The following NEMP2 variants were observed in gnomAD, a reference collection of about 807,000 sequenced individuals.
NEMP2 encodes the protein nuclear envelope integral membrane protein 2.
Under a neutral mutation model 54.2 loss-of-function variants are expected in NEMP2, and 53 were observed. The observed-to-expected ratio is 0.98, with a 90% confidence interval of 0.78 to 1.23. NEMP2 has a LOEUF of 1.23. NEMP2 is among the 50% of genes most tolerant of loss of function. The pLI is 0.00. For missense variants in NEMP2, 455 were observed against 511.3 expected, an observed-to-expected ratio of 0.89 and a Z score of 1.06; for synonymous variants, 197 against 190.3, an observed-to-expected ratio of 1.04 and a Z score of -0.29.
the NEMP2 span, among the ~76,000 whole-genome samples, chr2:190,592,949 T>A: frequency 6.6e-6 from 1 of 152,224 alleles, no homozygotes; most frequent in African/African-American, 2.4e-5. The surrounding 1 kb of genome is among the most constrained non-coding windows in gnomAD (Gnocchi z 4.4). Flanking sequence ...AGTTTCTTTT[T>A]CACAAACTTA....
At chr2:190,598,121 C>A in the NEMP2 span, among the ~76,000 whole-genome samples, 2 of 152,102 alleles carry the variant, frequency 1.3e-5, no homozygotes, top group Non-Finnish European at 2.9e-5. Context: ...AGCACCTTCC[C>A]TCTCTCCCTA....
the NEMP2 span, chr2:190,463,972 C>T: frequency 1.2e-6 from 1 of 815,968 alleles, no homozygotes; most frequent in Non-Finnish European, 1.5e-6. This position sits in a 1 kb window ranked among gnomAD's most constrained non-coding sequence, Gnocchi z 4.4. Context: ...CTGGTGTCAA[C>T]AACCAGCTCT....
the NEMP2 span, among the ~76,000 whole-genome samples, chr2:190,430,899 C>A: frequency 2.0e-5 from 3 of 151,772 alleles, no homozygotes; most frequent in African/African-American, 2.4e-5. Context: ...ACGCTCCTCA[C>A]TTCCCAGATG....
chr2:190,443,230 G>A, the NEMP2 span, among the ~76,000 whole-genome samples: 2 of 152,116 alleles, frequency 1.3e-5, no homozygotes, highest in Admixed American at 1.3e-4. The surrounding 1 kb of genome is among the most constrained non-coding windows in gnomAD (Gnocchi z 4.2). Context: ...ATTGTATGGT[G>A]GTTACGAGCA....
At chr2:190,536,011 A>G (rs1274660374), upstream of NEMP2, 1 of 152,192 alleles carries the variant, frequency 6.6e-6, no homozygotes, top group Admixed American at 6.5e-5. Context: ...TGATGAATGT[A>G]TTTTCTACAG....
chr2:190,556,609 C>T, the NEMP2 span, among the ~76,000 whole-genome samples: 1 of 152,180 alleles, frequency 6.6e-6, no homozygotes, highest in East Asian at 1.9e-4. Flanking sequence ...TCTCCTTAGG[C>T]TGATAAGCAA....
At chr2:190,566,740 AAAG>A in the NEMP2 span, among the ~76,000 whole-genome samples, 14 of 139,164 alleles carry the variant, frequency 1.0e-4, no homozygotes, top group Non-Finnish European at 3.3e-5. Flanking sequence ...GAAAGAAAGA[AAAG>A]AAAAAAAAAG....
chr2:190,545,859 T>C, the NEMP2 span, among the ~76,000 whole-genome samples: 1 of 152,204 alleles, frequency 6.6e-6, no homozygotes, highest in Non-Finnish European at 1.5e-5. Context: ...CTCTTTGTAC[T>C]CCGTATCTGG....
At chr2:190,619,030 A>G in the NEMP2 span, among the ~76,000 whole-genome samples, 2 of 152,228 alleles carry the variant, frequency 1.3e-5, no homozygotes, top group Non-Finnish European at 2.9e-5. The surrounding 1 kb of genome is among the most constrained non-coding windows in gnomAD (Gnocchi z 5.5). Flanking sequence ...TCTCTCTTCT[A>G]TCAGAGAGAG....
At chr2:190,630,889 ACAGTGGCT>A in the NEMP2 span, among the ~76,000 whole-genome samples, 1,454 of 152,234 alleles carry the variant, frequency 9.6e-3, 14 homozygotes, top group Middle Eastern at 0.024. The surrounding 1 kb of genome is among the most constrained non-coding windows in gnomAD (Gnocchi z 5.5). Context: ...TTGGCCAGGT[ACAGTGGCT>A]CATGTCTGTA....
the NEMP2 span, among the ~76,000 whole-genome samples, chr2:190,443,516 T>C: frequency 2.0e-5 from 3 of 152,204 alleles, no homozygotes; most frequent in African/African-American, 7.2e-5. The surrounding 1 kb of genome is among the most constrained non-coding windows in gnomAD (Gnocchi z 4.2). Context: ...TTGATAAAAA[T>C]ACAAGTTGAC....
the NEMP2 span, among the ~76,000 whole-genome samples, chr2:190,431,265 C>T: frequency 1.3e-5 from 2 of 151,922 alleles, no homozygotes; most frequent in South Asian, 2.1e-4. This position sits in a 1 kb window ranked among gnomAD's most constrained non-coding sequence, Gnocchi z 4.4. Context: ...AGAGGATGGG[C>T]GGCCAGGCAG....
At chr2:190,436,896 G>C in the NEMP2 span, 3 of 1,614,182 alleles carry the variant, frequency 1.9e-6, no homozygotes, top group Non-Finnish European at 2.5e-6. This position sits in a 1 kb window ranked among gnomAD's most constrained non-coding sequence, Gnocchi z 5.3. Context: ...CTATATTCTT[G>C]GTGATCTTGG....
At chr2:190,474,859 T>G in the NEMP2 span, among the ~76,000 whole-genome samples, 2 of 152,136 alleles carry the variant, frequency 1.3e-5, no homozygotes, top group East Asian at 3.9e-4. Context: ...ATCAAAAAGC[T>G]TATCCACCAT....
At chr2:190,633,029 G>T in the NEMP2 span, among the ~76,000 whole-genome samples, 1 of 152,072 alleles carries the variant, frequency 6.6e-6, no homozygotes, top group African/African-American at 2.4e-5. Flanking sequence ...TTTGTGCATT[G>T]TATTTCCTTG....
rs1164407658 is a variant in NEMP2 at position 190,507,766 on chromosome 2, G to A, written c.*1423C>T. ...CAATCTAGGAAGTTCCAGATGGATA[G>A]TCATGCTCTTTTTTCATGATTTAGA... is the stretch of plus-strand genomic sequence containing the variant. On this transcript the variant is annotated 3_prime_UTR_variant, in exon 9 of 9. Coordinates refer to ENST00000409150, the MANE Select transcript of NEMP2 (RefSeq NM_001142645.2). The surrounding 1 kb of genome is among the most constrained non-coding windows in gnomAD (Gnocchi z 4.4). 3 of 152,124 alleles carry A rather than the reference G, an allele frequency of 2.0e-5. No homozygotes were observed. The highest frequency in any genetic ancestry group is 4.4e-5 in the Non-Finnish European group (3 of 67,974). 9.4% of individuals were successfully genotyped at this position (152,124 alleles called of 1,614,324 possible).
chr2:190,637,971 GT>G, the NEMP2 span, among the ~76,000 whole-genome samples: 26 of 152,198 alleles, frequency 1.7e-4, no homozygotes, highest in Non-Finnish European at 5.9e-5. This position sits in a 1 kb window ranked among gnomAD's most constrained non-coding sequence, Gnocchi z 4.5. Flanking sequence ...GTTCTTCCTT[GT>G]CAGGAAACAA....
At chr2:190,542,487 C>T in the NEMP2 span, among the ~76,000 whole-genome samples, 1 of 152,220 alleles carries the variant, frequency 6.6e-6, no homozygotes, top group African/African-American at 2.4e-5. This position sits in a 1 kb window ranked among gnomAD's most constrained non-coding sequence, Gnocchi z 4.6. Flanking sequence ...GCTGGGATTA[C>T]AGGTGTGAGC....
chr2:190,616,258 GC>G, the NEMP2 span, among the ~76,000 whole-genome samples: 1 of 152,198 alleles, frequency 6.6e-6, no homozygotes, highest in African/African-American at 2.4e-5. This position sits in a 1 kb window ranked among gnomAD's most constrained non-coding sequence, Gnocchi z 5.1. Flanking sequence ...ATACTGAGGG[GC>G]AAAACCTGAA....
Sources: allele counts gnomAD v4.1 joint callset (sites outside exome capture counted in the v4.1 genomes callset), GRCh38; gene constraint gnomAD v4.1.1; non-coding constraint Gnocchi (gnomAD v3.1); transcripts MANE v1.5; gene names NCBI Gene and HGNC (gene_info 2026-07-23, HGNC 2026-07-21).